SSH2: variants seen among roughly 807,000 people sequenced by gnomAD.
SSH2 encodes the protein slingshot protein phosphatase 2, also known as protein phosphatase Slingshot homolog 2.
SSH2 carries 37 observed loss-of-function variants against 135.2 expected under a neutral mutation model. The observed-to-expected ratio is 0.27, with a 90% CI of 0.21 to 0.36. SSH2 has a LOEUF of 0.36. Among genes scored for constraint, SSH2 ranks in the 10% least tolerant of loss-of-function variants. SSH2 has a pLI of 1.00. For synonymous variants in SSH2, 628 were observed against 646.2 expected, an observed-to-expected ratio of 0.97 and a Z score of 0.43; for missense variants, 1,408 against 1,765.3, an observed-to-expected ratio of 0.80 and a Z score of 3.63.
rs988465646 is a variant in SSH2, at chr17:29,636,710, T to C, written c.1520A>G (p.Asn507Ser). 4 of 1,614,024 alleles carry C rather than the reference T, an allele frequency of 2.5e-6. No homozygotes were observed. Among genetic ancestry groups the C allele is most frequent in the African/African-American group, 2.7e-5 (2 of 74,908 alleles). ...EPICKPGLEL[N>S]KKDITTSADQ... ...TGCTGAGGTGGTGATATCCTTCTTG[T>C]TGAGTTCTAGCCCAGGTTTGCAGAT... The change falls in exon 15 of 16, where the codon AAC becomes AGC. Residue 507 changes from asparagine to serine, a missense_variant. Coordinates refer to ENST00000540801, the MANE Select transcript of SSH2 (RefSeq NM_001282129.2).
intron 14 of SSH2, among the ~76,000 whole-genome samples, chr17:29,646,346 C>T (rs2036368482): frequency 6.6e-6 from 1 of 152,126 alleles, no homozygotes; most frequent in South Asian, 2.1e-4. Flanking sequence ...AGGTAGACTA[C>T]AGAACAGTTT....
In SSH2 at chr17:29,695,479, G is replaced by C. The variant is rs764605339; in HGVS notation, c.337C>G (p.Pro113Ala). 2 of 1,612,178 alleles carry C rather than the reference G, an allele frequency of 1.2e-6. No individual in the cohort carries two copies. Among genetic ancestry groups the C allele is most frequent in the Non-Finnish European group, 1.7e-6 (2 of 1,179,336 alleles). The change falls in exon 5 of 16, where the codon CCA (proline) becomes GCA (alanine). Residue 113 changes from proline (P) to alanine (A), a missense_variant. Physicochemically the swap from Pro to Ala is conservative, Grantham distance 27 (BLOSUM62 -1). Around this residue, in one of 3 missense-constraint regions of SSH2, gnomAD observed 222 missense variants for 355.6 expected, o/e 0.62. Transcript: ENST00000540801. ...CTTACCAGCCTGATGTTGTCTTCTG[G>C]GCGGAGTAAAATGAACATTGCTTGG... ...HLQAMFILLR[P>A]EDNIRLAVRL...
chr17:29,712,861 G>C (rs1477301613), intron 3 of SSH2, among the ~76,000 whole-genome samples: 1 of 152,134 alleles, frequency 6.6e-6, no homozygotes, highest in Non-Finnish European at 1.5e-5. Context: ...TATATCAACT[G>C]AAGCCCAGAG....
intron 2 of SSH2, among the ~76,000 whole-genome samples, chr17:29,819,387 A>G (rs978145455): frequency 2.6e-5 from 4 of 152,204 alleles, no homozygotes; most frequent in African/African-American, 4.8e-5. Flanking sequence ...GAAAGGAATA[A>G]CCAAGGCTAC....
chr17:29,836,585 T>C (rs551770530), intron 2 of SSH2, among the ~76,000 whole-genome samples: 10 of 152,338 alleles, frequency 6.6e-5, no homozygotes, highest in Admixed American at 3.9e-4. Context: ...TGAAATAACG[T>C]ACGTACTAAC....
intron 1 of SSH2, among the ~76,000 whole-genome samples, chr17:29,892,441 CAAAGTA>C (rs991845919): frequency 2.0e-5 from 3 of 151,874 alleles, no homozygotes; most frequent in African/African-American, 7.3e-5. Flanking sequence ...TAGGAAACAG[CAAAGTA>C]AAAGTAAAAG....
At chr17:29,852,922 G>A (rs2065590681) in intron 1 of SSH2, among the ~76,000 whole-genome samples, 1 of 151,662 alleles carries the variant, frequency 6.6e-6, no homozygotes, top group South Asian at 2.1e-4. Flanking sequence ...ATGAGTATAT[G>A]GCTTATTCCA....
chr17:29,848,872 A>G lies in SSH2; in HGVS notation c.121T>C (p.Ser41Pro). ...AALLCCECEE[S>P]EIFTDSNEAD... ...ACATTGGAATCAGTAAAGATTTCTG[A>G]TTCTTCACATTCACAGCAAAGTAAT... The change falls in exon 2 of 16, where the codon TCA (serine) becomes CCA (proline). Residue 41 changes from serine (S) to proline (P), a missense_variant. By Grantham distance (74) the Ser-to-Pro change is moderately conservative. Coordinates refer to ENST00000540801, the MANE Select transcript of SSH2 (RefSeq NM_001282129.2). 6.5e-7 allele frequency: 1 copy of G among 1,533,940 alleles called. No individual in the cohort carries two copies. Among genetic ancestry groups the G allele is most frequent in the Non-Finnish European group, 8.7e-7 (1 of 1,145,376 alleles).
At chr17:29,718,372 G>A (rs1275898572) in intron 3 of SSH2, among the ~76,000 whole-genome samples, 1 of 152,102 alleles carries the variant, frequency 6.6e-6, no homozygotes, top group Admixed American at 6.5e-5. Flanking sequence ...GTATGTTGAT[G>A]ACTCCTTATT....
At chr17:29,690,069 G>A (rs2038399360) in intron 5 of SSH2, among the ~76,000 whole-genome samples, 1 of 149,456 alleles carries the variant, frequency 6.7e-6, no homozygotes, top group Non-Finnish European at 1.5e-5. Context: ...CTAACATCAG[G>A]AAATACTCCT....
Position 29,627,676 on chromosome 17 carries a change from A to C in SSH2, c.*3165T>G, listed in dbSNP as rs755640304. The C allele has an allele frequency of 1.3e-5, 2 of 152,630 alleles. No individual in the cohort carries two copies. Among genetic ancestry groups the C allele is most frequent in the Non-Finnish European group, 2.9e-5 (2 of 68,032 alleles). The allele number at this position is 152,630 out of a possible 1,614,324, so 9.5% of individuals were successfully genotyped here. A position where few individuals can be genotyped will look rare whatever the true frequency, so the allele number is the denominator to read the frequency against. On this transcript the variant is annotated 3_prime_UTR_variant, in exon 16 of 16. Coordinates refer to ENST00000540801, the MANE Select transcript of SSH2 (RefSeq NM_001282129.2). ...ATTTAGAATCTGAAAGGCAACTAAAATGAGGAGAGATGAATATTACGGTAC... is the reference window on the plus strand; with the variant it reads ...ATTTAGAATCTGAAAGGCAACTAAACTGAGGAGAGATGAATATTACGGTAC...
At chr17:29,748,964 T>C (rs549611298) in intron 3 of SSH2, among the ~76,000 whole-genome samples, 54 of 152,304 alleles carry the variant, frequency 3.5e-4, no homozygotes, top group Middle Eastern at 3.4e-3. Flanking sequence ...AGTTCAGTTA[T>C]GTAAGGATGA....
At position 29,638,062 on chromosome 17, in the gene SSH2, C is replaced by T. The variant is rs1438213092; in HGVS notation, c.1428-1260G>A. Among the ~76,000 whole-genome samples, 4 of 151,860 alleles carry T rather than the reference C, an allele frequency of 2.6e-5. No homozygotes were observed. In the East Asian group the frequency reaches 7.7e-4, roughly 29 times the overall value. On this transcript the variant is annotated intron_variant, in intron 14 of 15. Transcript: ENST00000540801. ...CCGGGAGGCAGAGGTTGCAGTGGGC[C>T]GAGATTGCACCAATGCACTCCAGCC...
chr17:29,830,953 A>G (rs1033908731), intron 2 of SSH2, among the ~76,000 whole-genome samples: 4 of 152,240 alleles, frequency 2.6e-5, no homozygotes, highest in South Asian at 2.1e-4. Flanking sequence ...GAGGCTGATC[A>G]TAAGTCCTGG....
At chr17:29,702,344 G>A (rs1478424001) in intron 4 of SSH2, among the ~76,000 whole-genome samples, 2 of 96,956 alleles carry the variant, frequency 2.1e-5, no homozygotes, top group African/African-American at 8.6e-5. Flanking sequence ...CAGAGTGAGA[G>A]TCTGTCTCAA....
chr17:29,632,745 G>A lies in SSH2; in HGVS notation c.2449C>T (p.Leu817Phe). 1.2e-6 allele frequency: 2 copies of A among 1,614,184 alleles called. No individual in the cohort carries two copies. The highest frequency in any genetic ancestry group is 2.2e-5 in the East Asian group (1 of 44,882). The part of the protein sequence containing the change: ...PKKNSIHELL[L>F]ERAQTPENKP... The stretch of plus-strand genomic sequence containing the variant: ...TTCTCTGGAGTCTGGGCCCTCTCAA[G>A]GAGCAGCTCATGGATGCTGTTCTTC... The change falls in exon 16 of 16, where the codon CTT becomes TTT. Residue 817 changes from leucine (L) to phenylalanine (F), a missense_variant. Transcript: ENST00000540801.
At chr17:29,849,078 A>T in intron 1 of SSH2, 149 bp from the exon 2 acceptor site, 1 of 553,376 alleles carries the variant, frequency 1.8e-6, no homozygotes, top group South Asian at 2.5e-5. Flanking sequence ...TTGAGAGAAC[A>T]CTGCCAACAA....
intron 1 of SSH2, among the ~76,000 whole-genome samples, chr17:29,888,262 C>CTT (rs780575130): frequency 6.6e-6 from 1 of 152,070 alleles, no homozygotes; most frequent in Non-Finnish European, 1.5e-5. Context: ...CAGAAAGAAA[C>CTT]TATGCTGAGA....
chr17:29,797,666 G>A (rs991295530), intron 2 of SSH2, among the ~76,000 whole-genome samples: 1 of 152,122 alleles, frequency 6.6e-6, no homozygotes, highest in South Asian at 2.1e-4. Context: ...GGAGGCTGAC[G>A]CAGGAGGATC....
Sources: gnomAD v4.1 joint callset for allele counts (sites outside exome capture counted in the v4.1 genomes callset) on GRCh38, gnomAD v4.1.1 for gene constraint, gnomAD v4.1.1 regional missense constraint, MANE v1.5 for transcripts, NCBI Gene and HGNC (gene_info 2026-07-23, HGNC 2026-07-21) for gene names.